Variants in CPVL observed in about 807,000 individuals in gnomAD.
The protein encoded by CPVL is probable serine carboxypeptidase CPVL.
In CPVL, 51 loss-of-function variants were observed where a neutral mutation model predicts 63.7. The observed-to-expected ratio is 0.80, with a 90% CI of 0.64 to 1.01. The LOEUF (loss-of-function observed/expected upper bound fraction) is 1.01. Among genes scored for constraint, CPVL ranks in the 50% least tolerant of loss-of-function variants. The pLI, the probability that CPVL is intolerant of heterozygous loss-of-function variation, is 0.00. For synonymous variants in CPVL, 195 were observed against 206.0 expected (o/e 0.95, Z 0.46); for missense variants, 530 against 573.1 (o/e 0.92, Z 0.77).
At chr7:29,005,180 C>A (rs1293909649) in intron 12 of CPVL, among the ~76,000 whole-genome samples, 13 of 151,972 alleles carry the variant, frequency 8.6e-5, no homozygotes, top group Non-Finnish European at 1.5e-5. Context: ...GATTACCCAT[C>A]GCGCCTGGCC....
chr7:29,146,951 T>C (rs146919606), upstream of CPVL: 521 of 1,551,102 alleles, frequency 3.4e-4, no homozygotes, highest in African/African-American at 6.5e-3. Flanking sequence ...ACATTCCAGC[T>C]GCACTAGCAG....
At chr7:29,059,485 A>G (rs1046555049) in intron 11 of CPVL, among the ~76,000 whole-genome samples, 1 of 152,166 alleles carries the variant, frequency 6.6e-6, no homozygotes, top group African/African-American at 2.4e-5. Context: ...CAATACACCA[A>G]AAAGATTCTA....
At chr7:29,025,301 G>A (rs1787386605) in intron 12 of CPVL, among the ~76,000 whole-genome samples, 1 of 152,152 alleles carries the variant, frequency 6.6e-6, no homozygotes, top group Admixed American at 6.5e-5. Context: ...CTTCTGATGA[G>A]GGCTTCAGGA....
At chr7:29,151,667 A>G (rs1584436632) in intron 5 of CPVL, among the ~76,000 whole-genome samples, 4 of 152,140 alleles carry the variant, frequency 2.6e-5, no homozygotes, top group Admixed American at 2.6e-4. Context: ...TGTGCTCAGG[A>G]TAGTATCTGA....
At chr7:29,101,433 T>C (rs747474564) in intron 3 of CPVL, among the ~76,000 whole-genome samples, 38 of 152,132 alleles carry the variant, frequency 2.5e-4, no homozygotes, top group Non-Finnish European at 4.6e-4. Context: ...ACCCCGTCTC[T>C]AAATACAAAA....
At chr7:29,139,584 G>A (rs1218038488) in intron 1 of CPVL, among the ~76,000 whole-genome samples, 3 of 152,094 alleles carry the variant, frequency 2.0e-5, no homozygotes, top group Admixed American at 1.3e-4. Context: ...TTTAAGCACA[G>A]ATTTTTTAAA....
Position 28,995,726 on chromosome 7 carries a change from C to T in CPVL, c.*46G>A. 1.8e-6 allele frequency: 2 copies of T among 1,130,960 alleles called. No homozygotes were observed. Among genetic ancestry groups the T allele is most frequent in the Non-Finnish European group, 2.6e-6 (2 of 777,452 alleles). 70.1% of individuals were successfully genotyped at this position (1,130,960 alleles called of 1,614,324 possible). A position where few individuals can be genotyped will look rare whatever the true frequency, so the allele number is the denominator to read the frequency against. ...TGACATTTTCTGTTTTTACGATTTT[C>T]TTTTCAGCAATGAAAACCTCTGATG... On this transcript the variant is annotated 3_prime_UTR_variant, in exon 13 of 13. Transcript: ENST00000265394.
chr7:29,178,454 G>C (rs796624817), intron 5 of CPVL, among the ~76,000 whole-genome samples: 7 of 151,952 alleles, frequency 4.6e-5, no homozygotes, highest in African/African-American at 7.3e-5. Flanking sequence ...TGCCCAGCTC[G>C]TGTCTGACTC....
At chr7:28,999,336 G>A (rs1784385414) in intron 12 of CPVL, among the ~76,000 whole-genome samples, 1 of 152,174 alleles carries the variant, frequency 6.6e-6, no homozygotes, top group African/African-American at 2.4e-5. Context: ...TCCAGGGCAG[G>A]GCCTAAGAAT....
chr7:28,997,418 C>T (rs1002021141), intron 12 of CPVL, among the ~76,000 whole-genome samples: 3 of 152,210 alleles, frequency 2.0e-5, no homozygotes, highest in African/African-American at 7.2e-5. Context: ...TTGGATAGTA[C>T]ATTTATTATA....
At chr7:29,025,015 A>G (rs536421351) in intron 12 of CPVL, among the ~76,000 whole-genome samples, 1 of 152,380 alleles carries the variant, frequency 6.6e-6, no homozygotes, top group South Asian at 2.1e-4. Flanking sequence ...AACAAAGGAT[A>G]TATAAAACAA....
intron 3 of CPVL, among the ~76,000 whole-genome samples, chr7:29,111,257 A>G (rs1788195982): frequency 1.3e-5 from 2 of 152,244 alleles, no homozygotes; most frequent in Admixed American, 1.3e-4. Flanking sequence ...TCTGAAAGGC[A>G]TAAAGTTTAA....
At chr7:29,059,848 C>T (rs1791101335) in intron 11 of CPVL, among the ~76,000 whole-genome samples, 2 of 152,174 alleles carry the variant, frequency 1.3e-5, no homozygotes, top group Admixed American at 1.3e-4. Flanking sequence ...GAGGGTTCTA[C>T]TTACAGGTTT....
chr7:29,091,299 T>C (rs1210806530), intron 6 of CPVL, among the ~76,000 whole-genome samples: 1 of 152,062 alleles, frequency 6.6e-6, no homozygotes, highest in East Asian at 1.9e-4. Context: ...AGTGATGCTC[T>C]GTCTTAGAGG....
At chr7:29,048,475 A>G (rs1789835195) in intron 11 of CPVL, among the ~76,000 whole-genome samples, 1 of 152,058 alleles carries the variant, frequency 6.6e-6, no homozygotes, top group Non-Finnish European at 1.5e-5. Flanking sequence ...AGGACATTAT[A>G]TAACAGTCAA....
In CPVL at chr7:29,075,379, T is replaced by A. The variant is rs369112119; in HGVS notation, c.610-2956A>T. Among the ~76,000 whole-genome samples the A allele has an allele frequency of 5.2e-4, 79 of 152,224 alleles. 1 individual carries two copies. Among genetic ancestry groups the A allele is most frequent in the Non-Finnish European group, 4.0e-4 (27 of 68,022 alleles). On this transcript the variant is annotated intron_variant, in intron 7 of 12. Coordinates refer to ENST00000265394, the MANE Select transcript of CPVL (RefSeq NM_031311.5). Reference sequence around the variant, plus strand: ...AACATTGTTTTCCAATATTTTACAGTGATGAAAACAAGGGCCCGTGCATTT... The same window carrying A: ...AACATTGTTTTCCAATATTTTACAGAGATGAAAACAAGGGCCCGTGCATTT...
intron 6 of CPVL, among the ~76,000 whole-genome samples, chr7:29,090,306 C>A (rs1209195868): frequency 6.6e-6 from 1 of 152,284 alleles, no homozygotes; most frequent in African/African-American, 2.4e-5. Context: ...GTGAAGGGAG[C>A]CTCTTCTGCA....
At chr7:29,067,308 G>C (rs1007461220) in intron 9 of CPVL, among the ~76,000 whole-genome samples, 2 of 152,182 alleles carry the variant, frequency 1.3e-5, no homozygotes, top group African/African-American at 2.4e-5. Context: ...GCTGCAGAGA[G>C]TGACAGGGAG....
intron 1 of CPVL, among the ~76,000 whole-genome samples, chr7:29,133,159 C>T (rs1790864926): frequency 6.6e-6 from 1 of 151,004 alleles, no homozygotes; most frequent in African/African-American, 2.4e-5. Context: ...ACTGAATACC[C>T]TCTATTATTG....
Sources: allele counts gnomAD v4.1 joint callset (sites outside exome capture counted in the v4.1 genomes callset), GRCh38; gene constraint gnomAD v4.1.1; transcripts MANE v1.5; gene names NCBI Gene and HGNC (gene_info 2026-07-23, HGNC 2026-07-21).